Variants in CNTNAP2 observed in about 807,000 individuals in gnomAD.
The protein encoded by CNTNAP2 is contactin associated protein 2.
In CNTNAP2, 98 loss-of-function variants were observed where a neutral mutation model predicts 155.2. The ratio of observed to expected loss-of-function variants is 0.63; its 90% CI spans 0.54 to 0.75. The LOEUF (loss-of-function observed/expected upper bound fraction) is 0.75, where lower values mean the gene tolerates loss of function less well. Among genes scored for constraint, CNTNAP2 ranks in the 30% least tolerant of loss-of-function variants. The probability of loss-of-function intolerance (pLI) is 0.00; values close to 1 mark genes in which losing one functional copy is unlikely to be tolerated. For synonymous variants in CNTNAP2, 651 were observed against 631.2 expected, an observed-to-expected ratio of 1.03 and a Z score of -0.47; for missense variants, 1,727 against 1,688.1, an observed-to-expected ratio of 1.02 and a Z score of -0.40.
chr7:146,662,677 T>C (rs2533087), intron 1 of CNTNAP2, among the ~76,000 whole-genome samples: 122,761 of 151,840 alleles, frequency 0.81, 50,235 homozygotes, highest in South Asian at 0.91. Context: ...AATATCTTTG[T>C]GTAAAAGATG....
intron 1 of CNTNAP2, among the ~76,000 whole-genome samples, chr7:146,505,948 A>G (rs1797377836): frequency 1.3e-5 from 2 of 152,158 alleles, no homozygotes; most frequent in South Asian, 4.1e-4. Flanking sequence ...TAACATGCAA[A>G]TGTAACTTAT....
chr7:147,687,489 T>C (rs1796030063), intron 13 of CNTNAP2, among the ~76,000 whole-genome samples: 2 of 152,152 alleles, frequency 1.3e-5, no homozygotes, highest in South Asian at 4.1e-4. Context: ...TAGGCAATAG[T>C]AATCAAGGAA....
At chr7:147,300,768 C>T (rs991436608) in intron 9 of CNTNAP2, among the ~76,000 whole-genome samples, 5 of 152,198 alleles carry the variant, frequency 3.3e-5, no homozygotes, top group African/African-American at 7.2e-5. Flanking sequence ...CGTCTGCTTC[C>T]GGTAGGTCTC....
At chr7:147,009,265 G>A (rs1053627215) in intron 3 of CNTNAP2, among the ~76,000 whole-genome samples, 1 of 152,026 alleles carries the variant, frequency 6.6e-6, no homozygotes, top group African/African-American at 2.4e-5. Flanking sequence ...TAAGGTCAAT[G>A]TTCTGATAAT....
At chr7:146,469,839 A>ATTTT (rs55827136) in intron 1 of CNTNAP2, among the ~76,000 whole-genome samples, 1 of 85,434 alleles carries the variant, frequency 1.2e-5, no homozygotes, top group African/African-American at 4.3e-5. Flanking sequence ...CTTAATTGAC[A>ATTTT]TTTTTTTTTT....
intron 9 of CNTNAP2, among the ~76,000 whole-genome samples, chr7:147,315,799 A>G (rs1290135300): frequency 6.6e-6 from 1 of 152,022 alleles, no homozygotes; most frequent in African/African-American, 2.4e-5. Flanking sequence ...CATTTTATAT[A>G]AATTGAATTG....
chr7:148,320,934 G>A (rs1290271096), intron 21 of CNTNAP2, among the ~76,000 whole-genome samples: 1 of 152,156 alleles, frequency 6.6e-6, no homozygotes, highest in Admixed American at 6.5e-5. Flanking sequence ...GTCAATGTAG[G>A]CTATTCGTCA....
chr7:147,065,315 A>G (rs932784724), intron 4 of CNTNAP2, among the ~76,000 whole-genome samples: 2 of 152,186 alleles, frequency 1.3e-5, no homozygotes, highest in Non-Finnish European at 1.5e-5. Flanking sequence ...TCTTCACTAG[A>G]GGCTATTTTG....
intron 1 of CNTNAP2, among the ~76,000 whole-genome samples, chr7:146,747,228 C>A (rs184104458): frequency 5.3e-5 from 8 of 152,084 alleles, no homozygotes; most frequent in Non-Finnish European, 1.2e-4. Flanking sequence ...CATTATCTGA[C>A]CTTATACCTA....
At chr7:147,439,134 G>A (rs757704726) in intron 10 of CNTNAP2, among the ~76,000 whole-genome samples, 1 of 151,776 alleles carries the variant, frequency 6.6e-6, no homozygotes, top group African/African-American at 2.4e-5. Flanking sequence ...CTAATCTTGT[G>A]TTTGGTTTGT....
chr7:147,167,426 G>A lies in CNTNAP2; in HGVS notation c.1348+34917G>A. 5 of 1,346,172 alleles carry A rather than the reference G, an allele frequency of 3.7e-6. 1 individual carries two copies. In the South Asian group the frequency reaches 5.0e-5, roughly 14 times the overall value. 83.4% of individuals were successfully genotyped at this position (1,346,172 alleles called of 1,614,324 possible). On this transcript the variant is annotated intron_variant, in intron 8 of 23. Transcript: ENST00000361727. ...AAAAGCCCTTCCTCTGGCTTGCTAG[G>A]AAGCTCATTGGAGACCCTAACTTGG...
At chr7:148,373,229 A>C (rs558322494) in intron 21 of CNTNAP2, among the ~76,000 whole-genome samples, 1 of 152,160 alleles carries the variant, frequency 6.6e-6, no homozygotes, top group Non-Finnish European at 1.5e-5. Context: ...AGGCTGAGGC[A>C]AGCAGATCAT....
At chr7:147,164,093 T>G (rs1802077365) in intron 8 of CNTNAP2, among the ~76,000 whole-genome samples, 1 of 152,220 alleles carries the variant, frequency 6.6e-6, no homozygotes. Flanking sequence ...TATTCTCAAG[T>G]GATCCTGGCA....
chr7:148,076,744 A>G (rs1226603159), intron 15 of CNTNAP2, among the ~76,000 whole-genome samples: 3 of 151,986 alleles, frequency 2.0e-5, no homozygotes, highest in Non-Finnish European at 2.9e-5. Flanking sequence ...TGCCCGGCCG[A>G]TAGCTCTGAC....
chr7:147,351,630 T>C (rs1269551038), intron 9 of CNTNAP2, among the ~76,000 whole-genome samples: 1 of 151,870 alleles, frequency 6.6e-6, no homozygotes, highest in African/African-American at 2.4e-5. Context: ...TTTGTGTTCA[T>C]AACATGTAAA....
intron 3 of CNTNAP2, among the ~76,000 whole-genome samples, chr7:146,912,173 T>C (rs1585153595): frequency 6.6e-6 from 1 of 150,566 alleles, no homozygotes; most frequent in Non-Finnish European, 1.5e-5. Flanking sequence ...AATATGGCTG[T>C]ATTCGTCAGC....
chr7:146,960,668 TATCAC>T (rs1797539094), intron 3 of CNTNAP2, among the ~76,000 whole-genome samples: 1 of 152,250 alleles, frequency 6.6e-6, no homozygotes, highest in African/African-American at 2.4e-5. Flanking sequence ...TTGTTCTTTA[TATCAC>T]TGCAAACAAT....
At chr7:147,076,218 CA>C (rs1799998364) in intron 4 of CNTNAP2, among the ~76,000 whole-genome samples, 1 of 152,190 alleles carries the variant, frequency 6.6e-6, no homozygotes. Flanking sequence ...CTGTCTTCCA[CA>C]AAGGTTGAAC....
At chr7:147,555,890 C>T (rs1799942407) in intron 11 of CNTNAP2, among the ~76,000 whole-genome samples, 1 of 152,232 alleles carries the variant, frequency 6.6e-6, no homozygotes, top group Admixed American at 6.5e-5. Context: ...CTTCATGTTT[C>T]TCCCCCTACC....
Sources: gnomAD v4.1 joint callset for allele counts (sites outside exome capture counted in the v4.1 genomes callset) on GRCh38, gnomAD v4.1.1 for gene constraint, MANE v1.5 for transcripts, NCBI Gene and HGNC (gene_info 2026-07-23, HGNC 2026-07-21) for gene names.